Variants in CTSV observed in about 807,000 individuals in gnomAD.
CTSV encodes cathepsin V, also known as cathepsin L2.
Under a neutral mutation model 35.6 loss-of-function variants are expected in CTSV, and 33 were observed. That is an observed-to-expected ratio of 0.93 (90% CI 0.70 to 1.24). CTSV has a LOEUF of 1.24. CTSV is among the 50% of genes most tolerant of loss of function. The pLI, the probability that CTSV is intolerant of heterozygous loss-of-function variation, is 0.00. For missense variants in CTSV, 408 were observed against 413.1 expected, an observed-to-expected ratio of 0.99 and a Z score of 0.11; for synonymous variants, 154 against 147.1, an observed-to-expected ratio of 1.05 and a Z score of -0.34.
chr9:97,033,065 T>C lies in CTSV; in HGVS notation c.906-17A>G. ...GGACCCCAGCTGAAAGAGGAGCAGGTTTTCCATTTTATACAAGGAATCAAG... is the reference window on the plus strand; with the variant it reads ...GGACCCCAGCTGAAAGAGGAGCAGGCTTTCCATTTTATACAAGGAATCAAG... On this transcript the variant is annotated splice_polypyrimidine_tract_variant and intron_variant, in intron 7 of 7. Transcript: ENST00000259470. 1 of 1,574,850 alleles carries C rather than the reference T, an allele frequency of 6.3e-7. No individual in the cohort carries two copies. The highest frequency in any genetic ancestry group is 1.7e-4 in the Middle Eastern group (1 of 5,924).
chr9:97,038,441 G>C (rs1051130617), intron 1 of CTSV: 7 of 166,802 alleles, frequency 4.2e-5, no homozygotes, highest in African/African-American at 1.7e-4. Context: ...GGATCCCCAA[G>C]GAACACCACC....
rs115977040 is a variant in CTSV, at chr9:97,034,175, C to T, written c.905+551G>A. Among the ~76,000 whole-genome samples the T allele has an allele frequency of 8.8e-3, 1,334 of 152,302 alleles. 22 individuals carry two copies. Among genetic ancestry groups the T allele is most frequent in the African/African-American group, 0.03 (1,234 of 41,542 alleles). Reference sequence around the variant, plus strand: ...AACTATTTAAGATACTGAGGCAGAACTGGAATTCCACTGTAGCAGTCTGTC... The same window carrying T: ...AACTATTTAAGATACTGAGGCAGAATTGGAATTCCACTGTAGCAGTCTGTC... On this transcript the variant is annotated intron_variant, in intron 7 of 7. Coordinates refer to ENST00000259470, the MANE Select transcript of CTSV (RefSeq NM_001333.4).
chr9:97,037,397 G>A lies in CTSV; in HGVS notation c.251C>T (p.Thr84Ile). The A allele has an allele frequency of 6.2e-7, 1 of 1,613,988 alleles. No homozygotes were observed. The highest frequency in any genetic ancestry group is 8.5e-7 in the Non-Finnish European group (1 of 1,179,962). Residue 84 changes from threonine (T) to isoleucine (I), a missense_variant and splice_region_variant, in exon 4 of 8, where the codon ACC (threonine) becomes ATC (isoleucine). Coordinates refer to ENST00000259470, the MANE Select transcript of CTSV (RefSeq NM_001333.4). Reference protein sequence around the residue: ...TMAMNAFGDMTNEEFRQMMGC... With the variant: ...TMAMNAFGDMINEEFRQMMGC... ...CATCATCTGCCTGAATTCTTCATTG[G>A]TCTTCAAGGAGAAGTAAATAAAATG...
rs1338435960 is a variant in CTSV at position 97,031,262 on chromosome 9, G to C, written c.*1687C>G. The C allele has an allele frequency of 5.9e-5, 9 of 152,222 alleles. No homozygotes were observed. The highest frequency in any genetic ancestry group is 2.2e-4 in the African/African-American group (9 of 41,454). 9.4% of individuals were successfully genotyped at this position (152,222 alleles called of 1,614,324 possible). A position where few individuals can be genotyped will look rare whatever the true frequency, so the allele number is the denominator to read the frequency against. Reference sequence around the variant, plus strand: ...AGAAAACTCAAGACTGAATATGGTAGACTGGATTTTCCAGAGATGGCTGTG... The same window carrying C: ...AGAAAACTCAAGACTGAATATGGTACACTGGATTTTCCAGAGATGGCTGTG... On this transcript the variant is annotated 3_prime_UTR_variant, in exon 8 of 8. Coordinates refer to ENST00000259470, the MANE Select transcript of CTSV (RefSeq NM_001333.4).
At chr9:97,036,845 A>C in intron 4 of CTSV, 98 bp from the exon 5 acceptor site, 2 of 1,172,832 alleles carry the variant, frequency 1.7e-6, no homozygotes, top group Non-Finnish European at 2.3e-6. Context: ...AAAAAAAAAA[A>C]ACCCATCGCC....
chr9:97,032,690 T>A lies in CTSV; in HGVS notation c.*259A>T. 2.8e-6 allele frequency: 1 copy of A among 355,066 alleles called. No individual in the cohort carries two copies. Among genetic ancestry groups the A allele is most frequent in the Non-Finnish European group, 5.0e-6 (1 of 199,586 alleles). The allele number at this position is 355,066 out of a possible 1,614,324, so 22.0% of individuals were successfully genotyped here. On this transcript the variant is annotated 3_prime_UTR_variant, in exon 8 of 8. Coordinates refer to ENST00000259470, the MANE Select transcript of CTSV (RefSeq NM_001333.4). ...AATTAAAATTTATTTCAAACTGTTT[T>A]GTACATCTTTTTAAAAAATGAAAAT...
In CTSV at chr9:97,036,644, A is replaced by G. The variant is rs1187927555; in HGVS notation, c.500T>C (p.Val167Ala). ...KLVSLSEQNL[V>A]DCSRPQGNQG... ...ATTGCCTTGAGGACGCGAACAGTCC[A>G]CCAGATTCTGCTCGCTCAGTGAGAC... The change falls in exon 5 of 8, where the codon GTG becomes GCG. Residue 167 changes from valine to alanine, a missense_variant. By Grantham distance (64) the Val-to-Ala change is moderately conservative. Coordinates refer to ENST00000259470, the MANE Select transcript of CTSV (RefSeq NM_001333.4). 23 of 1,613,942 alleles carry G rather than the reference A, an allele frequency of 1.4e-5. No individual in the cohort carries two copies. Among genetic ancestry groups the G allele is most frequent in the Non-Finnish European group, 1.9e-5 (23 of 1,180,010 alleles).
intron 4 of CTSV, 51 bp downstream of exon 4, chr9:97,037,201 T>C: frequency 6.3e-7 from 1 of 1,577,870 alleles, no homozygotes; most frequent in South Asian, 1.2e-5. Context: ...TGACACCAAT[T>C]CCTTCTTGGC....
rs1285959348 is a variant in CTSV at position 97,031,783 on chromosome 9, T to A, written c.*1166A>T. ...TTTTGTAGCCCAGCCTCATCTCTTG[T>A]GGACCTTGAACAAATTTCTCCAGCT... is the stretch of plus-strand genomic sequence containing the variant. On this transcript the variant is annotated 3_prime_UTR_variant, in exon 8 of 8. Coordinates refer to ENST00000259470, the MANE Select transcript of CTSV (RefSeq NM_001333.4). 6.6e-6 allele frequency: 1 copy of A among 152,244 alleles called. No individual in the cohort carries two copies. The highest frequency in any genetic ancestry group is 2.4e-5 in the African/African-American group (1 of 41,456). The allele number at this position is 152,244 out of a possible 1,614,324, so 9.4% of individuals were successfully genotyped here.
Position 97,031,090 on chromosome 9 carries a change from A to C in CTSV, c.*1859T>G, listed in dbSNP as rs1205304996. ...GAGGGGTGCTGTTTTGACAGATTTG[A>C]AATTTTTTTATTTGAATAAAAAGCC... On this transcript the variant is annotated 3_prime_UTR_variant, in exon 8 of 8. Coordinates refer to ENST00000259470, the MANE Select transcript of CTSV (RefSeq NM_001333.4). 6.6e-6 allele frequency: 1 copy of C among 152,210 alleles called. No homozygotes were observed. The highest frequency in any genetic ancestry group is 2.4e-5 in the African/African-American group (1 of 41,442). 9.4% of individuals were successfully genotyped at this position (152,210 alleles called of 1,614,324 possible).
intron 4 of CTSV, 121 bp downstream of exon 4, chr9:97,037,131 C>T: frequency 8.7e-7 from 1 of 1,153,798 alleles, no homozygotes; most frequent in African/African-American, 1.6e-5. Flanking sequence ...AAAAAAACAC[C>T]AAAAACCAAA....
At chr9:97,035,714 G>C (rs1435551974) in intron 5 of CTSV, 21 bp from the exon 6 acceptor site, 1 of 1,436,856 alleles carries the variant, frequency 7.0e-7, no homozygotes, top group Non-Finnish European at 9.3e-7. Flanking sequence ...TAAAGGGGGA[G>C]AGACTTGATC....
chr9:97,039,197 C>T (rs1284609824), upstream of CTSV: 1 of 152,382 alleles, frequency 6.6e-6, no homozygotes, highest in Non-Finnish European at 1.5e-5. Flanking sequence ...CCGCCCCCAC[C>T]GCCTTCCCGC....
chr9:97,038,284 G>C (rs377116366), intron 1 of CTSV: 1 of 403,214 alleles, frequency 2.5e-6, no homozygotes. Flanking sequence ...GTATGAGAAG[G>C]GTGTGAAAGA....
At chr9:97,033,207 T>C (rs1828784628) in intron 7 of CTSV, among the ~76,000 whole-genome samples, 159 bp from the exon 8 acceptor site, 1 of 152,196 alleles carries the variant, frequency 6.6e-6, no homozygotes, top group Non-Finnish European at 1.5e-5. Flanking sequence ...CTGGGCACAG[T>C]GGCTCACGCC....
intron 7 of CTSV, 91 bp from the exon 8 acceptor site, chr9:97,033,139 C>G (rs978567146): frequency 1.1e-5 from 9 of 787,624 alleles, no homozygotes; most frequent in Non-Finnish European, 1.9e-5. Context: ...AACAGTGCTT[C>G]CCATGTGTCA....
intron 6 of CTSV, among the ~76,000 whole-genome samples, chr9:97,035,080 C>CA (rs371321461): frequency 9.9e-5 from 15 of 151,662 alleles, no homozygotes; most frequent in Admixed American, 2.0e-4. Flanking sequence ...TATTTTCTAC[C>CA]AAAAAAAATG....
chr9:97,030,629 A>T lies in CTSV; in HGVS notation c.*2320T>A, dbSNP rs942769331. The T allele has an allele frequency of 6.6e-6, 1 of 152,238 alleles. No individual in the cohort carries two copies. The highest frequency in any genetic ancestry group is 6.5e-5 in the Admixed American group (1 of 15,274). The allele number at this position is 152,238 out of a possible 1,614,324, so 9.4% of individuals were successfully genotyped here. A position where few individuals can be genotyped will look rare whatever the true frequency, so the allele number is the denominator to read the frequency against. On this transcript the variant is annotated 3_prime_UTR_variant, in exon 8 of 8. Coordinates refer to ENST00000259470, the MANE Select transcript of CTSV (RefSeq NM_001333.4). ...GATAAACATTGTTTCTATAGATTAT[A>T]GATTAACTAAAAGTATTCCTTCCCA...
In CTSV at chr9:97,034,590, T is replaced by C. The variant is rs879073833; in HGVS notation, c.905+136A>G. On this transcript the variant is annotated intron_variant, in intron 7 of 7. Transcript: ENST00000259470. ...CCAAAAAGCTTGGTACGGAATCTTA[T>C]AATCAAACATTAATATTTCTGTGTT... is the stretch of plus-strand genomic sequence containing the variant. 43 of 677,392 alleles carry C rather than the reference T, an allele frequency of 6.3e-5. No homozygotes were observed. In the South Asian group the frequency reaches 6.9e-4, roughly 11 times the overall value. The allele number at this position is 677,392 out of a possible 1,614,324, so 42.0% of individuals were successfully genotyped here. A position where few individuals can be genotyped will look rare whatever the true frequency, so the allele number is the denominator to read the frequency against.
Sources: gnomAD v4.1 joint callset for allele counts (sites outside exome capture counted in the v4.1 genomes callset) on GRCh38, gnomAD v4.1.1 for gene constraint, MANE v1.5 for transcripts, NCBI Gene and HGNC (gene_info 2026-07-23, HGNC 2026-07-21) for gene names.